The following DIAPH2 variants were observed in gnomAD, a reference collection of about 807,000 sequenced individuals.
DIAPH2 encodes the protein protein diaphanous homolog 2.
DIAPH2 carries 35 observed loss-of-function variants against 92.7 expected under a neutral mutation model. The observed-to-expected ratio is 0.38, with a 90% CI of 0.29 to 0.50. The LOEUF is 0.50. Ranked by LOEUF, DIAPH2 falls within the 20% of genes least tolerant of loss-of-function variation. The pLI, the probability that DIAPH2 is intolerant of heterozygous loss-of-function variation, is 0.94. For missense variants in DIAPH2, 701 were observed against 819.5 expected (o/e 0.86, Z 1.77); for synonymous variants, 301 against 280.4 (o/e 1.07, Z -0.73).
In DIAPH2 at chrX:97,348,152, C is replaced by T; in HGVS notation, c.2881C>T (p.Leu961Phe). ...TKTAREQYEK[L>F]STMHNNMMKL... ...GACTGCCCGAGAACAGTATGAAAAA[C>T]TCTCCACCATGCACAACAACATGAT... The change falls in exon 24 of 27, where the codon CTC becomes TTC. Residue 961 changes from leucine to phenylalanine, a missense_variant. Transcript: ENST00000324765. 8.3e-7 allele frequency: 1 copy of T among 1,211,188 alleles called. No homozygotes were observed.
chrX:96,970,422 C>T (rs1475675424), intron 17 of DIAPH2, among the ~76,000 whole-genome samples: 1 of 110,386 alleles, frequency 9.1e-6, no homozygotes, highest in Non-Finnish European at 1.9e-5. Context: ...TTGTGGAACT[C>T]AATATTTGTC....
intron 5 of DIAPH2, among the ~76,000 whole-genome samples, chrX:96,899,938 G>T (rs1170627879): frequency 5.5e-5 from 6 of 109,544 alleles, no homozygotes. Flanking sequence ...TTAGCATGAA[G>T]TGTTGTTGAA....
intron 4 of DIAPH2, among the ~76,000 whole-genome samples, chrX:96,876,236 C>T (rs12557442): frequency 0.1 from 11,561 of 110,393 alleles, 562 homozygotes; most frequent in East Asian, 0.31. Context: ...GTTAGAATGG[C>T]GATCATTAAA....
chrX:97,451,466 A>G (rs2070358097), intron 26 of DIAPH2, among the ~76,000 whole-genome samples: 1 of 111,725 alleles, frequency 9.0e-6, no homozygotes, highest in Non-Finnish European at 1.9e-5. Context: ...TCATCTCTCA[A>G]ATAAGTCTTT....
At position 96,803,256 on chromosome X, in the gene DIAPH2, C is replaced by T. The variant is rs772904266; in HGVS notation, c.447+44998C>T. 2.6e-4 allele frequency among the ~76,000 whole-genome samples: 29 copies of T among 111,028 alleles called. No homozygotes were observed. The East Asian group carries it at 8.3e-3, about 32-fold the overall frequency. On this transcript the variant is annotated intron_variant, in intron 4 of 26. Coordinates refer to ENST00000324765, the MANE Select transcript of DIAPH2 (RefSeq NM_006729.5). The stretch of plus-strand genomic sequence containing the variant: ...CCCTACCAGTAGTTATACTCATCAT[C>T]ACTTGATATTGTCAATCTTATTAAA...
At chrX:97,225,626 A>G (rs2067959031) in intron 22 of DIAPH2, among the ~76,000 whole-genome samples, 2 of 111,616 alleles carry the variant, frequency 1.8e-5, no homozygotes, top group Non-Finnish European at 3.8e-5. Context: ...TGTTAACTTC[A>G]TGTTCTGAGT....
At chrX:97,177,060 C>T (rs1235187304) in intron 22 of DIAPH2, among the ~76,000 whole-genome samples, 2 of 111,078 alleles carry the variant, frequency 1.8e-5, no homozygotes, top group African/African-American at 6.6e-5. Flanking sequence ...TCAGTACAGA[C>T]ACAACCATCC....
chrX:97,393,360 T>C (rs2069677535), intron 25 of DIAPH2, among the ~76,000 whole-genome samples: 1 of 112,074 alleles, frequency 8.9e-6, no homozygotes, highest in Non-Finnish European at 1.9e-5. Context: ...GATAATTATA[T>C]ATTGATATAT....
chrX:97,241,930 C>T (rs1342901115), intron 22 of DIAPH2, among the ~76,000 whole-genome samples: 1 of 108,420 alleles, frequency 9.2e-6, no homozygotes, highest in Non-Finnish European at 1.9e-5. Flanking sequence ...CGCCCACCAC[C>T]ACGCCTGGCT....
At chrX:97,391,171 G>A (rs2069655855) in intron 25 of DIAPH2, among the ~76,000 whole-genome samples, 1 of 111,123 alleles carries the variant, frequency 9.0e-6, no homozygotes, top group Admixed American at 9.6e-5. Context: ...AATAGAGTTG[G>A]GTGTCTGTCA....
intron 24 of DIAPH2, among the ~76,000 whole-genome samples, chrX:97,363,316 T>C (rs1569374017): frequency 9.0e-6 from 1 of 111,259 alleles, no homozygotes; most frequent in African/African-American, 3.3e-5. Flanking sequence ...GTTAAAACCT[T>C]TCCTTGTTCA....
intron 26 of DIAPH2, among the ~76,000 whole-genome samples, chrX:97,455,046 A>G (rs2070392128): frequency 9.0e-6 from 1 of 111,510 alleles, no homozygotes; most frequent in Non-Finnish European, 1.9e-5. Context: ...TTTTCAATAG[A>G]TTGTCCTTAC....
Position 96,731,679 on chromosome X carries a change from A to C in DIAPH2, c.133-4079A>C, listed in dbSNP as rs770855324. On this transcript the variant is annotated intron_variant, in intron 1 of 26. Transcript: ENST00000324765. ...AACTTCAGCATTAGAGTTTATAAGT[A>C]AGTCAGTCATTTCTCTTAGTCTTAA... Among the ~76,000 whole-genome samples the C allele has an allele frequency of 4.5e-5, 5 of 111,709 alleles. No individual in the cohort carries two copies. The South Asian group carries it at 1.1e-3, about 25-fold the overall frequency.
chrX:96,810,914 T>G (rs1450422125), intron 4 of DIAPH2, among the ~76,000 whole-genome samples: 1 of 111,960 alleles, frequency 8.9e-6, no homozygotes, highest in Non-Finnish European at 1.9e-5. Context: ...CTGTTTTGGT[T>G]ACTGTAGCCT....
At chrX:96,985,182 A>G (rs1207802842) in intron 17 of DIAPH2, among the ~76,000 whole-genome samples, 3 of 111,494 alleles carry the variant, frequency 2.7e-5, no homozygotes, top group Non-Finnish European at 1.9e-5. Context: ...CTGGCCTTAT[A>G]CATGCCCTGA....
chrX:96,890,207 A>G (rs1433062085), intron 5 of DIAPH2, among the ~76,000 whole-genome samples: 2 of 110,784 alleles, frequency 1.8e-5, no homozygotes, highest in South Asian at 3.8e-4. Context: ...GGTCCAGTCA[A>G]TGGACCTCTT....
chrX:96,708,093 T>A (rs1430819293), intron 1 of DIAPH2, among the ~76,000 whole-genome samples: 2 of 110,620 alleles, frequency 1.8e-5, no homozygotes. Flanking sequence ...AGTCTCTTCC[T>A]CTTTTCTGAC....
At chrX:97,469,519 A>G (rs1738467391) in intron 26 of DIAPH2, among the ~76,000 whole-genome samples, 1 of 111,892 alleles carries the variant, frequency 8.9e-6, no homozygotes. Context: ...AGATTTGTGT[A>G]TTATCTGTGG....
intron 4 of DIAPH2, among the ~76,000 whole-genome samples, chrX:96,840,793 T>C (rs2064931385): frequency 9.2e-6 from 1 of 109,022 alleles, no homozygotes; most frequent in Non-Finnish European, 1.9e-5. Flanking sequence ...TTTTGTATTT[T>C]TAGTAGAGAC....
Sources: gnomAD v4.1 joint callset for allele counts (sites outside exome capture counted in the v4.1 genomes callset) on GRCh38, gnomAD v4.1.1 for gene constraint, MANE v1.5 for transcripts, NCBI Gene and HGNC (gene_info 2026-07-23, HGNC 2026-07-21) for gene names.